HMGCLL1: variants seen among roughly 807,000 people sequenced by gnomAD.
The protein encoded by HMGCLL1 is 3-hydroxy-3-methylglutaryl-CoA lyase like 1.
Under a neutral mutation model 39.1 loss-of-function variants are expected in HMGCLL1, and 36 were observed. The ratio of observed to expected loss-of-function variants is 0.92; its 90% CI spans 0.71 to 1.22. HMGCLL1 has a LOEUF of 1.22. Ranked by LOEUF, HMGCLL1 falls within the 50% of genes most tolerant of loss-of-function variation. The probability of loss-of-function intolerance (pLI) is 0.00; values close to 1 mark genes in which losing one functional copy is unlikely to be tolerated. For synonymous variants in HMGCLL1, 149 were observed against 144.0 expected, an observed-to-expected ratio of 1.03 and a Z score of -0.25; for missense variants, 451 against 416.5, an observed-to-expected ratio of 1.08 and a Z score of -0.72.
chr6:55,458,483 G>A (rs555160132), intron 7 of HMGCLL1, among the ~76,000 whole-genome samples: 20 of 152,246 alleles, frequency 1.3e-4, no homozygotes, highest in African/African-American at 4.6e-4. Context: ...AAACCTGAAC[G>A]AAGTGGGAGG....
chr6:55,499,912 CATTCTAACATTAAA>C (rs1179346761), intron 5 of HMGCLL1, among the ~76,000 whole-genome samples: 1 of 151,940 alleles, frequency 6.6e-6, no homozygotes, highest in Admixed American at 6.6e-5. Context: ...TTTTGTAACT[CATTCTAACATTAAA>C]AAGTCAAGCA....
intron 7 of HMGCLL1, among the ~76,000 whole-genome samples, chr6:55,470,150 T>C (rs1764984876): frequency 2.0e-5 from 3 of 151,908 alleles, no homozygotes; most frequent in Non-Finnish European, 2.9e-5. Flanking sequence ...TACAGAAATA[T>C]GCTGACTTGG....
At chr6:55,667,277 T>C in the HMGCLL1 span, among the ~76,000 whole-genome samples, 1 of 151,796 alleles carries the variant, frequency 6.6e-6, no homozygotes, top group African/African-American at 2.4e-5. Flanking sequence ...TTGATTATCT[T>C]AGAGGGCAAA....
chr6:55,566,322 T>C (rs944339509), intron 1 of HMGCLL1, among the ~76,000 whole-genome samples: 3 of 152,122 alleles, frequency 2.0e-5, no homozygotes, highest in Admixed American at 6.6e-5. Flanking sequence ...CTAGACCCTA[T>C]TGCTTCTTAA....
chr6:55,667,885 T>C, the HMGCLL1 span, among the ~76,000 whole-genome samples: 148 of 151,898 alleles, frequency 9.7e-4, no homozygotes, highest in Non-Finnish European at 1.4e-3. Context: ...CAATATACAC[T>C]AAATGCAACA....
At chr6:55,438,508 G>A (rs1021540606) in intron 8 of HMGCLL1, among the ~76,000 whole-genome samples, 9 of 152,052 alleles carry the variant, frequency 5.9e-5, no homozygotes, top group African/African-American at 2.2e-4. Flanking sequence ...GGATAGGCAG[G>A]GAGATGCCAG....
In HMGCLL1 at chr6:55,550,384, C is replaced by A. The variant is rs117239715; in HGVS notation, c.109-8244G>T. 2.4e-3 allele frequency among the ~76,000 whole-genome samples: 363 copies of A among 152,010 alleles called. 1 individual carries two copies. The highest frequency in any genetic ancestry group is 0.015 in the East Asian group (76 of 5,166). On this transcript the variant is annotated intron_variant, in intron 1 of 8. Transcript: ENST00000274901. The stretch of plus-strand genomic sequence containing the variant: ...CTTTATCCAAGGTCATGCCCCCATC[C>A]TAACTGGAAAGGCCATATCAGCTCC...
chr6:55,480,477 G>A (rs1258489841), intron 7 of HMGCLL1, among the ~76,000 whole-genome samples: 1 of 151,644 alleles, frequency 6.6e-6, no homozygotes, highest in East Asian at 1.9e-4. Flanking sequence ...ATGCTGCTGA[G>A]GATGTGGAGA....
chr6:55,597,639 G>T, the HMGCLL1 span, among the ~76,000 whole-genome samples: 5 of 151,988 alleles, frequency 3.3e-5, no homozygotes, highest in African/African-American at 1.2e-4. Context: ...CATTATATTT[G>T]AGGGATGGTA....
chr6:55,463,326 C>T (rs1764666304), intron 7 of HMGCLL1, among the ~76,000 whole-genome samples: 1 of 152,000 alleles, frequency 6.6e-6, no homozygotes, highest in African/African-American at 2.4e-5. Context: ...GCCACTGTGC[C>T]CGGCCCCAGT....
chr6:55,671,353 G>T, the HMGCLL1 span, among the ~76,000 whole-genome samples: 6 of 151,774 alleles, frequency 4.0e-5, 1 homozygote, highest in East Asian at 1.9e-4. Context: ...CCACCTGGAC[G>T]TCTGACTTAC....
intron 3 of HMGCLL1, among the ~76,000 whole-genome samples, chr6:55,525,096 C>T (rs968886270): frequency 6.6e-6 from 1 of 151,710 alleles, no homozygotes; most frequent in African/African-American, 2.4e-5. Flanking sequence ...ACCTCATCAT[C>T]ATTCAAAGAC....
chr6:55,586,579 G>A, the HMGCLL1 span, among the ~76,000 whole-genome samples: 1 of 137,158 alleles, frequency 7.3e-6, no homozygotes, highest in African/African-American at 2.7e-5. Context: ...AGTGTGTGAT[G>A]TTCCCCTTCC....
At chr6:55,592,045 T>C in the HMGCLL1 span, among the ~76,000 whole-genome samples, 1 of 151,936 alleles carries the variant, frequency 6.6e-6, no homozygotes, top group Non-Finnish European at 1.5e-5. Context: ...TTTGGAAAAC[T>C]TTTTTGCTCA....
the HMGCLL1 span, among the ~76,000 whole-genome samples, chr6:55,673,496 G>A: frequency 2.6e-4 from 40 of 151,896 alleles, no homozygotes; most frequent in Non-Finnish European, 4.9e-4. Flanking sequence ...AAACAAGTTG[G>A]GAATAAAGTT....
chr6:55,486,944 C>A (rs766497844), intron 7 of HMGCLL1, among the ~76,000 whole-genome samples: 59 of 152,102 alleles, frequency 3.9e-4, no homozygotes, highest in Non-Finnish European at 4.4e-4. Context: ...CATGTCTTCA[C>A]ATGGCAGAAG....
chr6:55,554,601 A>C (rs561159307), intron 1 of HMGCLL1, among the ~76,000 whole-genome samples: 1 of 152,226 alleles, frequency 6.6e-6, no homozygotes, highest in Admixed American at 6.5e-5. Context: ...CAGAAACCAT[A>C]ATATTTGGGA....
At chr6:55,635,379 A>T in the HMGCLL1 span, among the ~76,000 whole-genome samples, 1 of 152,094 alleles carries the variant, frequency 6.6e-6, no homozygotes, top group African/African-American at 2.4e-5. Context: ...ACTGTCAAAA[A>T]TTAGTTATGG....
At chr6:55,469,449 ATGTATATATG>A (rs1484725390) in intron 7 of HMGCLL1, among the ~76,000 whole-genome samples, 5 of 141,990 alleles carry the variant, frequency 3.5e-5, no homozygotes, top group South Asian at 2.2e-4. Context: ...ATACATATAT[ATGTATATATG>A]TGTATATATG....
Sources: allele counts gnomAD v4.1 joint callset (sites outside exome capture counted in the v4.1 genomes callset), GRCh38; gene constraint gnomAD v4.1.1; transcripts MANE v1.5; gene names NCBI Gene and HGNC (gene_info 2026-07-23, HGNC 2026-07-21).